Variants in POU2F1 observed in about 807,000 individuals in gnomAD.
POU2F1 encodes the protein POU domain, class 2, transcription factor 1.
POU2F1 carries 16 observed loss-of-function variants against 84.9 expected under a neutral mutation model. That is an observed-to-expected ratio of 0.19 (90% CI 0.13 to 0.29). The LOEUF is 0.29. POU2F1 is among the 10% of genes least tolerant of loss of function. The pLI, the probability that POU2F1 is intolerant of heterozygous loss-of-function variation, is 1.00. For missense variants in POU2F1, 738 were observed against 942.6 expected, an observed-to-expected ratio of 0.78 and a Z score of 2.84; for synonymous variants, 368 against 368.3, an observed-to-expected ratio of 1.00 and a Z score of 0.01.
At chr1:167,396,690 C>T in intron 10 of POU2F1, 1 of 288,264 alleles carries the variant, frequency 3.5e-6, no homozygotes, top group East Asian at 6.8e-5. Flanking sequence ...ATTAGGAACA[C>T]ACACACACAC....
intron 1 of POU2F1, among the ~76,000 whole-genome samples, chr1:167,268,967 G>A (rs866639131): frequency 3.0e-4 from 46 of 152,044 alleles, no homozygotes; most frequent in African/African-American, 9.4e-4. Context: ...CCCTTTGTCC[G>A]TGTAACAAGA....
chr1:167,273,188 T>G (rs2102474257), intron 1 of POU2F1, among the ~76,000 whole-genome samples: 1 of 152,338 alleles, frequency 6.6e-6, no homozygotes, highest in Admixed American at 6.5e-5. Flanking sequence ...TCCCAGGTCC[T>G]GAGGCATCTC....
intron 6 of POU2F1, 114 bp downstream of exon 6, chr1:167,374,410 G>C: frequency 9.9e-7 from 1 of 1,007,036 alleles, no homozygotes; most frequent in Middle Eastern, 3.3e-4. Context: ...TGCCTGAGGA[G>C]CTCTAGATCA....
intron 8 of POU2F1, among the ~76,000 whole-genome samples, chr1:167,388,582 A>T (rs1279573522): frequency 6.6e-6 from 1 of 152,246 alleles, no homozygotes; most frequent in East Asian, 1.9e-4. Flanking sequence ...CTTAGTTTTT[A>T]AAAAGGATAA....
intron 1 of POU2F1, among the ~76,000 whole-genome samples, chr1:167,292,942 A>G (rs1459301687): frequency 1.3e-5 from 2 of 152,306 alleles, no homozygotes; most frequent in East Asian, 3.9e-4. Context: ...AAAGCATTTG[A>G]TAAAATCCAG....
At position 167,363,055 on chromosome 1, in the gene POU2F1, C is replaced by A. The variant is rs565692013; in HGVS notation, c.128-2412C>A. 3.9e-5 allele frequency among the ~76,000 whole-genome samples: 6 copies of A among 152,254 alleles called. No individual in the cohort carries two copies. In the South Asian group the frequency reaches 6.2e-4, roughly 16 times the overall value. On this transcript the variant is annotated intron_variant, in intron 2 of 15. Transcript: ENST00000367866. The stretch of plus-strand genomic sequence containing the variant: ...ACCATGCCTTCAGCTCCTCCTCCCC[C>A]CCAAGGCAGAACCAGGGCACTTAAA...
chr1:167,281,515 A>G (rs1653135128), intron 1 of POU2F1, among the ~76,000 whole-genome samples: 1 of 152,152 alleles, frequency 6.6e-6, no homozygotes, highest in African/African-American at 2.4e-5. Flanking sequence ...ACATGATGGA[A>G]GAAGATTTAT....
At chr1:167,308,990 AT>A (rs533221144) in intron 1 of POU2F1, among the ~76,000 whole-genome samples, 38 of 150,890 alleles carry the variant, frequency 2.5e-4, no homozygotes, top group South Asian at 6.3e-4. Flanking sequence ...TAATTCATTC[AT>A]TTTTTTTTCC....
At chr1:167,382,946 T>G (rs989086310) in intron 7 of POU2F1, among the ~76,000 whole-genome samples, 1 of 152,184 alleles carries the variant, frequency 6.6e-6, no homozygotes, top group Non-Finnish European at 1.5e-5. Context: ...GTCCTACATA[T>G]TACAACATTT....
intron 2 of POU2F1, among the ~76,000 whole-genome samples, chr1:167,358,135 T>C (rs1486298715): frequency 6.9e-6 from 1 of 144,868 alleles, no homozygotes; most frequent in African/African-American, 2.6e-5. Context: ...TTTTTTTTTT[T>C]TTTTTTTTTT....
In POU2F1 at chr1:167,426,220, G is replaced by A. The variant is rs1321781855; in HGVS notation, c.*10410G>A. 2 of 90,092 alleles carry A rather than the reference G, an allele frequency of 2.2e-5. No homozygotes were observed. The highest frequency in any genetic ancestry group is 6.7e-5 in the African/African-American group (2 of 29,758). The allele number at this position is 90,092 out of a possible 1,614,324, so 5.6% of individuals were successfully genotyped here. ...TTCCAAAGCTTAGATGTATATTTTG[G>A]TATATTTCTGGGATATTAAAAAAAA... On this transcript the variant is annotated 3_prime_UTR_variant, in exon 16 of 16. Transcript: ENST00000367866.
chr1:167,223,268 C>T lies in POU2F1; in HGVS notation c.61+2310C>T, dbSNP rs184511818. On this transcript the variant is annotated intron_variant, in intron 1 of 15. Coordinates refer to ENST00000367866, the MANE Select transcript of POU2F1 (RefSeq NM_002697.4). ...GAACTTATTCTCCTCCCAGCACACC[C>T]GCCCCTCCTCTTTAAGTTGTCAGAA... is the stretch of plus-strand genomic sequence containing the variant. 4.6e-5 allele frequency among the ~76,000 whole-genome samples: 7 copies of T among 152,262 alleles called. No homozygotes were observed. In the East Asian group the frequency reaches 1.2e-3, roughly 25 times the overall value.
intron 2 of POU2F1, among the ~76,000 whole-genome samples, chr1:167,358,642 A>T (rs1659134589): frequency 6.9e-6 from 1 of 145,740 alleles, no homozygotes; most frequent in Non-Finnish European, 1.5e-5. Context: ...CTATAGAGTT[A>T]TTCATTTTTA....
Position 167,423,874 on chromosome 1 carries a change from A to T in POU2F1, c.*8064A>T, listed in dbSNP as rs950570917. ...ATTATATCCCAAAGTCTGCAGGCAGACAGCTGGATACAGCGCTGTGTATAA... is the reference window on the plus strand; with the variant it reads ...ATTATATCCCAAAGTCTGCAGGCAGTCAGCTGGATACAGCGCTGTGTATAA... On this transcript the variant is annotated 3_prime_UTR_variant, in exon 16 of 16. Transcript: ENST00000367866. 2 of 152,246 alleles carry T rather than the reference A, an allele frequency of 1.3e-5. No individual in the cohort carries two copies. The highest frequency in any genetic ancestry group is 2.9e-5 in the Non-Finnish European group (2 of 68,042). The allele number at this position is 152,246 out of a possible 1,614,324, so 9.4% of individuals were successfully genotyped here.
In POU2F1 at chr1:167,419,850, G is replaced by A. The variant is rs1360934326; in HGVS notation, c.*4040G>A. 1.3e-5 allele frequency: 2 copies of A among 152,142 alleles called. No individual in the cohort carries two copies. Among genetic ancestry groups the A allele is most frequent in the African/African-American group, 4.8e-5 (2 of 41,434 alleles). 9.4% of individuals were successfully genotyped at this position (152,142 alleles called of 1,614,324 possible). On this transcript the variant is annotated 3_prime_UTR_variant, in exon 16 of 16. Transcript: ENST00000367866. The stretch of plus-strand genomic sequence containing the variant: ...CCTACTTATACTTAATGCTAGCACT[G>A]TAAGAAATAAGTCTTTTTTGTTTAA...
chr1:167,400,756 C>G (rs561788122), intron 12 of POU2F1, among the ~76,000 whole-genome samples: 12 of 152,266 alleles, frequency 7.9e-5, no homozygotes, highest in Admixed American at 5.2e-4. Flanking sequence ...CATTTCTGTT[C>G]TTTTTAAATT....
chr1:167,242,345 A>G (rs1032686752), intron 1 of POU2F1, among the ~76,000 whole-genome samples: 4 of 152,366 alleles, frequency 2.6e-5, no homozygotes, highest in East Asian at 1.9e-4. Flanking sequence ...GAAGAAGTGT[A>G]TACCTTTGGA....
At chr1:167,362,513 C>T (rs1024471250) in intron 2 of POU2F1, among the ~76,000 whole-genome samples, 3 of 152,164 alleles carry the variant, frequency 2.0e-5, no homozygotes, top group African/African-American at 7.2e-5. Flanking sequence ...AGGTTTAGGC[C>T]ACTACCTTTG....
intron 1 of POU2F1, among the ~76,000 whole-genome samples, chr1:167,319,531 T>C (rs937468349): frequency 1.3e-5 from 2 of 152,060 alleles, no homozygotes; most frequent in African/African-American, 4.8e-5. Flanking sequence ...TGGCTTGTCC[T>C]TGAGAATTAC....
Sources: allele counts gnomAD v4.1 joint callset (sites outside exome capture counted in the v4.1 genomes callset), GRCh38; gene constraint gnomAD v4.1.1; transcripts MANE v1.5; gene names NCBI Gene and HGNC (gene_info 2026-07-23, HGNC 2026-07-21).